Variants in GPC6 observed in about 807,000 individuals in gnomAD.
GPC6 encodes the protein glypican 6.
A neutral mutation model predicts 55.2 loss-of-function variants in GPC6; 14 were observed. That is an observed-to-expected ratio of 0.25 (90% CI 0.17 to 0.40). GPC6 has a LOEUF of 0.40. Ranked by LOEUF, GPC6 falls within the 10% of genes least tolerant of loss-of-function variation. GPC6 has a pLI of 1.00. For synonymous variants in GPC6, 278 were observed against 259.6 expected (o/e 1.07, Z -0.68); for missense variants, 641 against 708.5 (o/e 0.90, Z 1.08).
At chr13:94,011,717 G>A (rs189228397) in intron 3 of GPC6, among the ~76,000 whole-genome samples, 26 of 151,568 alleles carry the variant, frequency 1.7e-4, no homozygotes, top group South Asian at 4.2e-4. Flanking sequence ...TGGGAATTCC[G>A]TATGGTGTGC....
At chr13:93,831,217 C>G (rs148374758) in intron 3 of GPC6, among the ~76,000 whole-genome samples, 118 of 152,192 alleles carry the variant, frequency 7.8e-4, no homozygotes, top group African/African-American at 2.7e-3. Flanking sequence ...TACTTTTGGG[C>G]CTTTCTTGAA....
chr13:94,178,713 T>A (rs574075472), intron 4 of GPC6, among the ~76,000 whole-genome samples: 1 of 152,332 alleles, frequency 6.6e-6, no homozygotes, highest in South Asian at 2.1e-4. Flanking sequence ...TTTTAAGAGT[T>A]TCTAGTTTCC....
rs113136274 is a variant in GPC6 at position 93,882,371 on chromosome 13, T to C, written c.711+51826T>C. On this transcript the variant is annotated intron_variant, in intron 3 of 8. Transcript: ENST00000377047. ...CATGTTGCCCAGGCTGGTCTCAAAC[T>C]CCTGGGCTCAAACGACCCACCCCTC... Among the ~76,000 whole-genome samples the C allele has an allele frequency of 4.6e-3, 699 of 152,088 alleles. 8 individuals carry two copies. Among genetic ancestry groups the C allele is most frequent in the African/African-American group, 0.016 (659 of 41,520 alleles).
chr13:93,314,416 G>A (rs1457470266), intron 1 of GPC6, among the ~76,000 whole-genome samples: 1 of 152,070 alleles, frequency 6.6e-6, no homozygotes, highest in East Asian at 1.9e-4. Flanking sequence ...AACACGGTTA[G>A]GTTAAGGATT....
chr13:93,344,003 A>G (rs183916161), intron 1 of GPC6, among the ~76,000 whole-genome samples: 3 of 152,204 alleles, frequency 2.0e-5, no homozygotes, highest in African/African-American at 7.2e-5. Flanking sequence ...AGGGTGCCTT[A>G]CAAGTAGGAT....
intron 4 of GPC6, among the ~76,000 whole-genome samples, chr13:94,139,293 C>T (rs1887288971): frequency 6.6e-6 from 1 of 152,130 alleles, no homozygotes; most frequent in African/African-American, 2.4e-5. Context: ...CAAAATTATT[C>T]TTATACCCCA....
chr13:94,019,656 G>A (rs1160902095), intron 3 of GPC6, among the ~76,000 whole-genome samples: 10 of 152,038 alleles, frequency 6.6e-5, no homozygotes. Context: ...CACTTTCACT[G>A]GATTTAGGGC....
chr13:94,159,323 A>G (rs543158794), intron 4 of GPC6, among the ~76,000 whole-genome samples: 2 of 152,320 alleles, frequency 1.3e-5, no homozygotes, highest in African/African-American at 2.4e-5. Context: ...TGATGAAGAC[A>G]TATCTAAGAC....
At chr13:93,717,907 A>G (rs958961247) in intron 2 of GPC6, among the ~76,000 whole-genome samples, 2 of 151,874 alleles carry the variant, frequency 1.3e-5, no homozygotes, top group African/African-American at 4.8e-5. Context: ...GATGGTTTCC[A>G]GCTTCATTCA....
At chr13:93,921,669 G>A (rs1265781256) in intron 3 of GPC6, among the ~76,000 whole-genome samples, 1 of 151,358 alleles carries the variant, frequency 6.6e-6, no homozygotes, top group Admixed American at 6.6e-5. Context: ...CTGCTTGTCG[G>A]CTCATGGAGC....
intron 1 of GPC6, among the ~76,000 whole-genome samples, chr13:93,430,829 G>A (rs1877328461): frequency 6.6e-6 from 1 of 152,100 alleles, no homozygotes; most frequent in Admixed American, 6.6e-5. Context: ...TTGAAATTAA[G>A]GAAGAAATAG....
intron 1 of GPC6, among the ~76,000 whole-genome samples, chr13:93,325,479 G>A (rs1879622365): frequency 6.6e-6 from 1 of 152,138 alleles, no homozygotes; most frequent in African/African-American, 2.4e-5. Context: ...GTGATGTGGT[G>A]GAGGCAGATG....
At chr13:93,635,548 C>T (rs1879655633) in intron 2 of GPC6, among the ~76,000 whole-genome samples, 1 of 152,064 alleles carries the variant, frequency 6.6e-6, no homozygotes, top group African/African-American at 2.4e-5. Flanking sequence ...GAACAAAGAC[C>T]TGAGTGGTTT....
chr13:93,332,003 C>G (rs1042647243), intron 1 of GPC6, among the ~76,000 whole-genome samples: 4 of 151,402 alleles, frequency 2.6e-5, no homozygotes, highest in Non-Finnish European at 4.4e-5. Context: ...AACATGATGT[C>G]CTCCAGATCA....
At chr13:94,000,609 G>A (rs1233830837) in intron 3 of GPC6, among the ~76,000 whole-genome samples, 1 of 152,140 alleles carries the variant, frequency 6.6e-6, no homozygotes, top group Non-Finnish European at 1.5e-5. Context: ...ATGACAGAAA[G>A]ACTAAAAATA....
In GPC6 at chr13:93,923,641, A is replaced by T. The variant is rs1330692468; in HGVS notation, c.711+93096A>T. 2.0e-5 allele frequency among the ~76,000 whole-genome samples: 3 copies of T among 152,332 alleles called. No homozygotes were observed. The East Asian group carries it at 5.8e-4, about 29-fold the overall frequency. On this transcript the variant is annotated intron_variant, in intron 3 of 8. Coordinates refer to ENST00000377047, the MANE Select transcript of GPC6 (RefSeq NM_005708.5). ...TTTGCTCTTTTTGTATAACTTACCC[A>T]AAGAAACCAATCTCAGTTTTGATTA...
At chr13:93,305,191 G>C (rs1878815455) in intron 1 of GPC6, among the ~76,000 whole-genome samples, 2 of 152,044 alleles carry the variant, frequency 1.3e-5, no homozygotes, top group African/African-American at 4.8e-5. Flanking sequence ...TCTCTATCTG[G>C]CCTCACCTCA....
intron 4 of GPC6, among the ~76,000 whole-genome samples, chr13:94,039,198 G>A (rs1289057072): frequency 6.6e-6 from 1 of 151,986 alleles, no homozygotes; most frequent in Non-Finnish European, 1.5e-5. Flanking sequence ...GACAGTGGAA[G>A]CTTTAAAAGT....
chr13:93,859,170 T>G (rs1888726325), intron 3 of GPC6, among the ~76,000 whole-genome samples: 1 of 151,628 alleles, frequency 6.6e-6, no homozygotes. Flanking sequence ...TGTCCAGTCT[T>G]AGGTCTTAAG....
Sources: gnomAD v4.1 joint callset for allele counts (sites outside exome capture counted in the v4.1 genomes callset) on GRCh38, gnomAD v4.1.1 for gene constraint, MANE v1.5 for transcripts, NCBI Gene and HGNC (gene_info 2026-07-23, HGNC 2026-07-21) for gene names.